Variants in MPRIP observed in about 807,000 individuals in gnomAD.
The protein encoded by MPRIP is myosin phosphatase Rho-interacting protein.
MPRIP carries 59 observed loss-of-function variants against 234.9 expected under a neutral mutation model. The ratio of observed to expected loss-of-function variants is 0.25; its 90% CI spans 0.20 to 0.31. MPRIP has a LOEUF of 0.31. Ranked by LOEUF, MPRIP falls within the 10% of genes least tolerant of loss-of-function variation. MPRIP has a pLI of 1.00. For missense variants in MPRIP, 2,436 were observed against 3,071.0 expected, an observed-to-expected ratio of 0.79 and a Z score of 4.89; for synonymous variants, 1,144 against 1,263.9, an observed-to-expected ratio of 0.91 and a Z score of 2.01.
chr17:17,136,547 C>CTTGCGACTGG, intron 6 of MPRIP, 97 bp downstream of exon 6: 2 of 1,203,414 alleles, frequency 1.7e-6, no homozygotes, highest in Non-Finnish European at 2.3e-6. Context: ...AGAGCCCAGT[C>CTTGCGACTGG]GCAAGCCTGG....
intron 12 of MPRIP, 107 bp from the exon 13 acceptor site, chr17:17,154,199 C>T (rs2045674370): frequency 1.1e-6 from 1 of 916,050 alleles, no homozygotes; most frequent in African/African-American, 1.6e-5. Context: ...CAGTCACAGC[C>T]TTTCTCCCTG....
chr17:17,071,347 G>A (rs949908777), intron 1 of MPRIP, among the ~76,000 whole-genome samples: 2 of 152,114 alleles, frequency 1.3e-5, no homozygotes, highest in East Asian at 1.9e-4. Flanking sequence ...GCCCATTGGC[G>A]TTTTCAGGTT....
At chr17:17,123,541 T>A (rs1461800850) in intron 3 of MPRIP, among the ~76,000 whole-genome samples, 1 of 151,304 alleles carries the variant, frequency 6.6e-6, no homozygotes, top group Non-Finnish European at 1.5e-5. Flanking sequence ...AATATAATAC[T>A]AAAAATACAA....
At chr17:17,064,321 C>T (rs1344732502) in intron 1 of MPRIP, among the ~76,000 whole-genome samples, 6 of 151,944 alleles carry the variant, frequency 3.9e-5, no homozygotes, top group South Asian at 2.1e-4. Context: ...CCTGCCTCGG[C>T]GTCCCAAGTA....
intron 7 of MPRIP, 184 bp from the exon 8 acceptor site, chr17:17,142,443 G>C: frequency 4.8e-6 from 3 of 626,160 alleles, no homozygotes; most frequent in East Asian, 5.8e-5. Flanking sequence ...CCTGATGGGA[G>C]GGAGGGCCGT....
chr17:17,092,330 G>C (rs754248606), intron 3 of MPRIP, among the ~76,000 whole-genome samples: 2 of 152,228 alleles, frequency 1.3e-5, no homozygotes, highest in South Asian at 4.1e-4. Flanking sequence ...TAGGGAAGGG[G>C]AGTGGCTGTG....
intron 5 of MPRIP, among the ~76,000 whole-genome samples, 183 bp from the exon 6 acceptor site, chr17:17,136,036 G>T (rs960146974): frequency 5.9e-5 from 9 of 152,206 alleles, no homozygotes; most frequent in Admixed American, 2.6e-4. Context: ...GGATGTCTAG[G>T]AATGACAGAC....
At chr17:17,117,293 G>T (rs1248467415) in intron 3 of MPRIP, among the ~76,000 whole-genome samples, 1 of 152,250 alleles carries the variant, frequency 6.6e-6, no homozygotes, top group Non-Finnish European at 1.5e-5. Context: ...AGTATCGTTT[G>T]TAGTCTTGTG....
intron 3 of MPRIP, among the ~76,000 whole-genome samples, chr17:17,112,376 G>A (rs984588559): frequency 6.6e-6 from 1 of 152,158 alleles, no homozygotes; most frequent in African/African-American, 2.4e-5. Flanking sequence ...CAGCAGCTAT[G>A]TATGCCCTCT....
intron 17 of MPRIP, among the ~76,000 whole-genome samples, chr17:17,172,372 G>A (rs1667263446): frequency 6.6e-6 from 1 of 152,214 alleles, no homozygotes; most frequent in South Asian, 2.1e-4. Context: ...AAATACACCA[G>A]CACAAAAGCT....
chr17:17,056,757 C>A (rs1476596523), intron 1 of MPRIP, among the ~76,000 whole-genome samples: 1 of 152,006 alleles, frequency 6.6e-6, no homozygotes, highest in Non-Finnish European at 1.5e-5. Context: ...AAGAACCCCC[C>A]ACCTTAACTA....
chr17:17,059,058 T>TA, intron 1 of MPRIP, among the ~76,000 whole-genome samples: 1 of 152,358 alleles, frequency 6.6e-6, no homozygotes, highest in East Asian at 1.9e-4. Context: ...TATTAGAAGT[T>TA]AAAACTGAAA....
chr17:17,116,371 G>T (rs1396957587), intron 3 of MPRIP, among the ~76,000 whole-genome samples: 1 of 152,236 alleles, frequency 6.6e-6, no homozygotes, highest in Non-Finnish European at 1.5e-5. Flanking sequence ...GTAACCGTGG[G>T]TCTCCCAGGC....
rs1567675853 is a variant in MPRIP at position 17,042,954 on chromosome 17, G to A, written c.106G>A (p.Asp36Asn). The A allele has an allele frequency of 6.2e-7, 1 of 1,610,834 alleles. No individual in the cohort carries two copies. Among genetic ancestry groups the A allele is most frequent in the Non-Finnish European group, 8.5e-7 (1 of 1,178,716 alleles). ...FKPRESHLLN[D>N]EDLTQAKPIY... The stretch of plus-strand genomic sequence containing the variant: ...GCCCCGCGAGTCGCATCTGCTCAAC[G>A]ACGAGGACCTGACGCAGGTGAGCGA... Residue 36 changes from aspartate (D) to asparagine (N), a missense_variant, in exon 1 of 24, where the codon GAC becomes AAC. Asp to Asn is a conservative substitution (Grantham distance 23). This residue lies in a region of MPRIP where 140 missense variants were observed against 207.3 expected (regional missense o/e 0.68). Coordinates refer to ENST00000651222, the MANE Select transcript of MPRIP (RefSeq NM_001364716.4).
chr17:17,092,928 G>A (rs1051000347), intron 3 of MPRIP, among the ~76,000 whole-genome samples: 12 of 152,202 alleles, frequency 7.9e-5, no homozygotes, highest in Non-Finnish European at 1.3e-4. Flanking sequence ...GTGCAAGTGT[G>A]CATTTACTGT....
At chr17:17,057,898 A>G in intron 1 of MPRIP, 1 of 567,120 alleles carries the variant, frequency 1.8e-6, no homozygotes, top group South Asian at 2.3e-5. Flanking sequence ...AAAGGATACA[A>G]GCAGCATACA....
chr17:17,082,110 C>T (rs1156804497), intron 3 of MPRIP, among the ~76,000 whole-genome samples: 2 of 151,902 alleles, frequency 1.3e-5, no homozygotes, highest in African/African-American at 4.8e-5. Flanking sequence ...GGACTGATGT[C>T]GAGCTGAGGT....
chr17:17,096,301 G>A (rs1334958246), intron 3 of MPRIP, among the ~76,000 whole-genome samples: 19 of 26,498 alleles, frequency 7.2e-4, no homozygotes, highest in African/African-American at 1.9e-3. Context: ...GTGTGTGTGT[G>A]TGTGTGTGTG....
chr17:17,153,986 G>T (rs960938381), intron 12 of MPRIP, among the ~76,000 whole-genome samples: 1 of 152,152 alleles, frequency 6.6e-6, no homozygotes, highest in Non-Finnish European at 1.5e-5. Context: ...CCTTAAAGAG[G>T]GGTGCAGCAT....
Sources: allele counts gnomAD v4.1 joint callset (sites outside exome capture counted in the v4.1 genomes callset), GRCh38; gene constraint gnomAD v4.1.1; regional missense constraint gnomAD v4.1.1; transcripts MANE v1.5; gene names NCBI Gene and HGNC (gene_info 2026-07-23, HGNC 2026-07-21).